ZFAND3: variants seen among roughly 807,000 people sequenced by gnomAD.
ZFAND3 encodes the protein zinc finger AN1-type containing 3.
ZFAND3 carries 10 observed loss-of-function variants against 29.6 expected under a neutral mutation model. The ratio of observed to expected loss-of-function variants is 0.34; its 90% CI spans 0.21 to 0.57. ZFAND3 has a LOEUF of 0.57. Ranked by LOEUF, ZFAND3 falls within the 20% of genes least tolerant of loss-of-function variation. ZFAND3 has a pLI of 0.86. For missense variants in ZFAND3, 230 were observed against 304.5 expected (o/e 0.76, Z 1.82); for synonymous variants, 128 against 112.6 (o/e 1.14, Z -0.87).
In ZFAND3 at chr6:37,957,763, T is replaced by A. The variant is rs184889120; in HGVS notation, c.112+27764T>A. On this transcript the variant is annotated intron_variant, in intron 2 of 5. Coordinates refer to ENST00000287218, the MANE Select transcript of ZFAND3 (RefSeq NM_021943.3). ...CACATGATCTACTCTAGGAAACTTG[T>A]CAGTACTTTTGTATGCTAGTTGCAT... 2.3e-3 allele frequency among the ~76,000 whole-genome samples: 353 copies of A among 152,318 alleles called. 1 individual carries two copies. The highest frequency in any genetic ancestry group is 8.0e-3 in the African/African-American group (332 of 41,568).
intron 2 of ZFAND3, among the ~76,000 whole-genome samples, chr6:38,055,098 A>G (rs1271785893): frequency 2.0e-5 from 3 of 152,252 alleles, no homozygotes; most frequent in African/African-American, 7.2e-5. Flanking sequence ...ACCTTTATAC[A>G]GTGCCTTATA....
At chr6:38,031,469 G>A (rs1454750965) in intron 2 of ZFAND3, among the ~76,000 whole-genome samples, 2 of 152,246 alleles carry the variant, frequency 1.3e-5, no homozygotes, top group South Asian at 2.1e-4. Flanking sequence ...ACTCCCTTTA[G>A]CATGTTCAGT....
At chr6:38,049,977 CAG>C (rs1212108696) in intron 2 of ZFAND3, among the ~76,000 whole-genome samples, 2 of 102,378 alleles carry the variant, frequency 2.0e-5, no homozygotes, top group Non-Finnish European at 3.8e-5. Context: ...TTGGGGGAGA[CAG>C]AGTCTCTCTC....
chr6:37,872,882 C>G (rs1764719495), intron 1 of ZFAND3, among the ~76,000 whole-genome samples: 1 of 152,200 alleles, frequency 6.6e-6, no homozygotes, highest in South Asian at 2.1e-4. Flanking sequence ...TTTCTGCAAC[C>G]TTAGTACATG....
chr6:37,961,152 C>G (rs1762187995), intron 2 of ZFAND3, among the ~76,000 whole-genome samples: 1 of 152,148 alleles, frequency 6.6e-6, no homozygotes. Flanking sequence ...TGGACCTGCC[C>G]TGGGCCACCA....
intron 3 of ZFAND3, among the ~76,000 whole-genome samples, chr6:38,068,268 T>G (rs2127465995): frequency 6.6e-6 from 1 of 152,282 alleles, no homozygotes; most frequent in African/African-American, 2.4e-5. Context: ...TTTAAACAAC[T>G]GAAAAAAATC....
intron 2 of ZFAND3, among the ~76,000 whole-genome samples, chr6:38,040,556 TAAA>T (rs1763740414): frequency 6.6e-6 from 1 of 152,216 alleles, no homozygotes. Context: ...GTACAGCATT[TAAA>T]AACATAAATC....
At chr6:37,867,772 T>G (rs1764615250) in intron 1 of ZFAND3, among the ~76,000 whole-genome samples, 2 of 152,354 alleles carry the variant, frequency 1.3e-5, no homozygotes, top group Admixed American at 1.3e-4. Context: ...CAAAGTATGC[T>G]TTGTAGGAGG....
intron 2 of ZFAND3, among the ~76,000 whole-genome samples, chr6:37,982,364 C>T (rs996641314): frequency 1.3e-5 from 2 of 151,840 alleles, no homozygotes; most frequent in Admixed American, 6.6e-5. Flanking sequence ...AAAAATGTAG[C>T]CAATTATATA....
chr6:37,933,883 A>G (rs868072320), intron 2 of ZFAND3, among the ~76,000 whole-genome samples: 1 of 116,524 alleles, frequency 8.6e-6, no homozygotes, highest in African/African-American at 3.2e-5. Context: ...TCTCTCTCTC[A>G]TTTTTTTTTT....
intron 2 of ZFAND3, among the ~76,000 whole-genome samples, chr6:37,935,027 C>T (rs1349600564): frequency 1.3e-5 from 2 of 152,110 alleles, no homozygotes; most frequent in Non-Finnish European, 2.9e-5. Context: ...CTATATCTCT[C>T]AAGTCTAAGA....
chr6:38,095,846 A>G (rs995885412), intron 4 of ZFAND3, among the ~76,000 whole-genome samples: 1 of 152,112 alleles, frequency 6.6e-6, no homozygotes, highest in African/African-American at 2.4e-5. Flanking sequence ...AGCCTGGGCA[A>G]CATGGTGAGG....
chr6:38,117,516 G>A (rs1032333187), intron 5 of ZFAND3, among the ~76,000 whole-genome samples: 1 of 152,120 alleles, frequency 6.6e-6, no homozygotes, highest in Non-Finnish European at 1.5e-5. Flanking sequence ...AAATTGTGTA[G>A]CAGCATTATT....
intron 5 of ZFAND3, among the ~76,000 whole-genome samples, chr6:38,132,281 T>A (rs1051858739): frequency 6.6e-6 from 1 of 152,078 alleles, no homozygotes; most frequent in African/African-American, 2.4e-5. Flanking sequence ...AGAGCCAAGG[T>A]GGGAGGATCG....
At position 38,154,379 on chromosome 6, in the gene ZFAND3, G is replaced by GT; in HGVS notation, c.*1990_*1991insT. ...TCGCTTCCTGACTTAGAGCTGGGGG[G>GT]GGTGGGGGGTGGGGCTTGTTCCCCT... On this transcript the variant is annotated 3_prime_UTR_variant, in exon 6 of 6. Coordinates refer to ENST00000287218, the MANE Select transcript of ZFAND3 (RefSeq NM_021943.3). 1 of 680,070 alleles carries GT rather than the reference G, an allele frequency of 1.5e-6. No homozygotes were observed. Among genetic ancestry groups the GT allele is most frequent in the South Asian group, 6.5e-5 (1 of 15,388 alleles). The allele number at this position is 680,070 out of a possible 1,614,324, so 42.1% of individuals were successfully genotyped here. A position where few individuals can be genotyped will look rare whatever the true frequency, so the allele number is the denominator to read the frequency against.
chr6:37,915,356 T>A (rs1276763825), intron 1 of ZFAND3, among the ~76,000 whole-genome samples: 1 of 152,222 alleles, frequency 6.6e-6, no homozygotes, highest in Non-Finnish European at 1.5e-5. Context: ...TTCAGAACTT[T>A]TTCTTTGCAT....
rs934683736 is a variant in ZFAND3, at chr6:37,827,558, A to G, written c.71+7542A>G. Among the ~76,000 whole-genome samples, 4 of 152,216 alleles carry G rather than the reference A, an allele frequency of 2.6e-5. No homozygotes were observed. In the East Asian group the frequency reaches 5.8e-4, roughly 22 times the overall value. On this transcript the variant is annotated intron_variant, in intron 1 of 5. Coordinates refer to ENST00000287218, the MANE Select transcript of ZFAND3 (RefSeq NM_021943.3). ...TTTTCTGGTAAATTCAGGTTACCAT[A>G]TATAGAGAAAGGTGGGGTATATTGG...
chr6:38,153,080 C>A lies in ZFAND3; in HGVS notation c.*691C>A. On this transcript the variant is annotated 3_prime_UTR_variant, in exon 6 of 6. Transcript: ENST00000287218. ...GCTCCACTCAAGACTAGTCCACGAA[C>A]GAGACCCGCCTTTTCTACACAGGAT... The A allele has an allele frequency of 1.0e-6, 1 of 985,488 alleles. No individual in the cohort carries two copies. Among genetic ancestry groups the A allele is most frequent in the Non-Finnish European group, 1.2e-6 (1 of 829,938 alleles). 61.0% of individuals were successfully genotyped at this position (985,488 alleles called of 1,614,324 possible).
At chr6:37,999,021 G>T (rs1762899768) in intron 2 of ZFAND3, among the ~76,000 whole-genome samples, 1 of 152,144 alleles carries the variant, frequency 6.6e-6, no homozygotes, top group Non-Finnish European at 1.5e-5. Flanking sequence ...TCCAATAGAA[G>T]CAACCAGGGC....
Sources: gnomAD v4.1 joint callset for allele counts (sites outside exome capture counted in the v4.1 genomes callset) on GRCh38, gnomAD v4.1.1 for gene constraint, MANE v1.5 for transcripts, NCBI Gene and HGNC (gene_info 2026-07-23, HGNC 2026-07-21) for gene names.